Variants in CPEB1 observed in about 807,000 individuals in gnomAD.
The protein encoded by CPEB1 is cytoplasmic polyadenylation element binding protein 1.
In CPEB1, 7 loss-of-function variants were observed where a neutral mutation model predicts 65.8. The observed-to-expected ratio is 0.11, with a 90% confidence interval of 0.06 to 0.20. CPEB1 has a LOEUF of 0.20. Ranked by LOEUF, CPEB1 falls within the 10% of genes least tolerant of loss-of-function variation. The pLI is 1.00. For missense variants in CPEB1, 551 were observed against 712.2 expected, an observed-to-expected ratio of 0.77 and a Z score of 2.58; for synonymous variants, 262 against 260.0, an observed-to-expected ratio of 1.01 and a Z score of -0.08.
intron 3 of CPEB1, among the ~76,000 whole-genome samples, chr15:82,584,558 A>G (rs2041596986): frequency 6.6e-6 from 1 of 151,392 alleles, no homozygotes; most frequent in Non-Finnish European, 1.5e-5. Flanking sequence ...GGCACCTGTA[A>G]TCTCAGCTAC....
chr15:82,630,031 C>G, intron 1 of CPEB1: 1 of 985,336 alleles, frequency 1.0e-6, no homozygotes, highest in Non-Finnish European at 1.2e-6. Context: ...CACACAAGGC[C>G]CTTTTCACAA....
At position 82,547,133 on chromosome 15, in the gene CPEB1, G is replaced by T; in HGVS notation, c.1575+10C>A. Reference sequence around the variant, plus strand: ...TACCCCAGAGTAAGGGCATAAACCAGCCAACTCACCTTCTTTGTGAACTTG... The same window carrying T: ...TACCCCAGAGTAAGGGCATAAACCATCCAACTCACCTTCTTTGTGAACTTG... On this transcript the variant is annotated intron_variant, in intron 11 of 12. Coordinates refer to ENST00000684509, the MANE Select transcript of CPEB1 (RefSeq NM_001365242.1). 1.2e-6 allele frequency: 2 copies of T among 1,600,866 alleles called. No individual in the cohort carries two copies. Among genetic ancestry groups the T allele is most frequent in the Non-Finnish European group, 8.6e-7 (1 of 1,168,348 alleles).
chr15:82,546,570 G>T, intron 11 of CPEB1, 49 bp from the exon 12 acceptor site: 2 of 1,379,242 alleles, frequency 1.5e-6, no homozygotes, highest in Non-Finnish European at 2.1e-6. Flanking sequence ...TTACCAGGAG[G>T]CTCGATAGGC....
At chr15:82,545,816 G>C (rs1328118654) in intron 12 of CPEB1, among the ~76,000 whole-genome samples, 3 of 152,102 alleles carry the variant, frequency 2.0e-5, no homozygotes, top group Admixed American at 2.0e-4. Flanking sequence ...AAGGCTTCAG[G>C]GTTAGGCAGC....
At chr15:82,624,266 G>A (rs2045564882) in intron 3 of CPEB1, among the ~76,000 whole-genome samples, 1 of 152,096 alleles carries the variant, frequency 6.6e-6, no homozygotes, top group South Asian at 2.1e-4. Flanking sequence ...GAGGGGCTGG[G>A]TATACGTGAA....
intron 4 of CPEB1, among the ~76,000 whole-genome samples, chr15:82,570,097 G>C (rs1007023611): frequency 2.6e-5 from 4 of 152,072 alleles, no homozygotes; most frequent in Admixed American, 2.6e-4. Context: ...TTAAGGTAAA[G>C]CTCTCCCCAT....
intron 9 of CPEB1, 49 bp from the exon 10 acceptor site, chr15:82,549,707 G>A (rs1243265370): frequency 6.4e-7 from 1 of 1,573,596 alleles, no homozygotes; most frequent in African/African-American, 1.3e-5. Flanking sequence ...GCCACAGAGA[G>A]AGAGGTGCTT....
At chr15:82,578,129 G>A (rs879927569) in intron 3 of CPEB1, among the ~76,000 whole-genome samples, 3 of 151,854 alleles carry the variant, frequency 2.0e-5, no homozygotes, top group African/African-American at 4.8e-5. Flanking sequence ...AACAGAGCGA[G>A]ACTCCGTCTC....
chr15:82,638,716 C>T (rs1309811649), intron 1 of CPEB1: 4 of 152,180 alleles, frequency 2.6e-5, no homozygotes, highest in Admixed American at 6.5e-5. Flanking sequence ...AGACAATCAT[C>T]ATACTTGGAT....
chr15:82,582,749 T>G (rs923103720), intron 3 of CPEB1, among the ~76,000 whole-genome samples: 1 of 147,070 alleles, frequency 6.8e-6, no homozygotes, highest in African/African-American at 2.5e-5. Flanking sequence ...TTTTTTTTTT[T>G]TTTTTTTTTT....
intron 1 of CPEB1, among the ~76,000 whole-genome samples, chr15:82,636,786 TCA>T (rs564108267): frequency 8.7e-4 from 133 of 152,320 alleles, no homozygotes; most frequent in Admixed American, 2.4e-3. Context: ...CAGACCCGTA[TCA>T]CACTCCTGTC....
intron 3 of CPEB1, among the ~76,000 whole-genome samples, chr15:82,612,433 G>A (rs887237687): frequency 2.7e-5 from 4 of 148,336 alleles, no homozygotes; most frequent in African/African-American, 7.5e-5. Context: ...GGAGGCAGAG[G>A]TTGTAGTGAG....
At chr15:82,547,760 C>A (rs996697581) in intron 10 of CPEB1, among the ~76,000 whole-genome samples, 5 of 151,944 alleles carry the variant, frequency 3.3e-5, no homozygotes, top group African/African-American at 1.2e-4. Flanking sequence ...GCAACCTCTG[C>A]ATCCCAGGCT....
At chr15:82,613,913 G>A (rs1412806785) in intron 3 of CPEB1, among the ~76,000 whole-genome samples, 1 of 151,964 alleles carries the variant, frequency 6.6e-6, no homozygotes, top group Non-Finnish European at 1.5e-5. Flanking sequence ...TGCCAGGAAG[G>A]GACTGGCCTC....
chr15:82,633,001 T>C (rs1320882290), intron 1 of CPEB1, among the ~76,000 whole-genome samples: 2 of 152,212 alleles, frequency 1.3e-5, no homozygotes, highest in Non-Finnish European at 2.9e-5. Context: ...TGATAAAAAA[T>C]GTTTTTCTCT....
chr15:82,569,382 C>T (rs34032397), intron 4 of CPEB1, among the ~76,000 whole-genome samples: 1,747 of 152,316 alleles, frequency 0.011, 21 homozygotes, highest in Middle Eastern at 0.031. Flanking sequence ...CACTAACCTG[C>T]CTACACAGCC....
intron 1 of CPEB1, among the ~76,000 whole-genome samples, chr15:82,646,440 G>T (rs938352854): frequency 1.3e-5 from 2 of 152,252 alleles, no homozygotes; most frequent in African/African-American, 2.4e-5. Context: ...AGTCAGGGCC[G>T]GGGCTGCAGG....
chr15:82,545,241 A>C (rs2034961547), intron 12 of CPEB1, among the ~76,000 whole-genome samples: 1 of 152,180 alleles, frequency 6.6e-6, no homozygotes, highest in African/African-American at 2.4e-5. Context: ...AAAGATCCAG[A>C]TCCATAAAAG....
At chr15:82,568,409 C>T (rs2039492729) in intron 4 of CPEB1, among the ~76,000 whole-genome samples, 1 of 152,078 alleles carries the variant, frequency 6.6e-6, no homozygotes. Context: ...GAGAAAAACG[C>T]ACTTATAACA....
Sources: gnomAD v4.1 joint callset for allele counts (sites outside exome capture counted in the v4.1 genomes callset) on GRCh38, gnomAD v4.1.1 for gene constraint, MANE v1.5 for transcripts, NCBI Gene and HGNC (gene_info 2026-07-23, HGNC 2026-07-21) for gene names.